The following CLSTN2 variants were observed in gnomAD, a reference collection of about 807,000 sequenced individuals.
The protein encoded by CLSTN2 is calsyntenin 2.
CLSTN2 carries 48 observed loss-of-function variants against 101.2 expected under a neutral mutation model. The observed-to-expected ratio is 0.47, with a 90% CI of 0.38 to 0.60. The LOEUF (loss-of-function observed/expected upper bound fraction) is 0.60. Ranked by LOEUF, CLSTN2 falls within the 20% of genes least tolerant of loss-of-function variation. CLSTN2 has a pLI of 0.00. For synonymous variants in CLSTN2, 481 were observed against 463.6 expected, an observed-to-expected ratio of 1.04 and a Z score of -0.48; for missense variants, 1,160 against 1,238.2, an observed-to-expected ratio of 0.94 and a Z score of 0.95.
chr3:140,449,140 G>T (rs185896896), intron 6 of CLSTN2, among the ~76,000 whole-genome samples: 1 of 152,142 alleles, frequency 6.6e-6, no homozygotes, highest in Non-Finnish European at 1.5e-5. Flanking sequence ...TCCCCAAAGC[G>T]CCAGCTATAT....
chr3:140,324,105 A>G (rs1292598381), intron 2 of CLSTN2, among the ~76,000 whole-genome samples: 1 of 152,240 alleles, frequency 6.6e-6, no homozygotes, highest in East Asian at 1.9e-4. Flanking sequence ...TTTTGTTGCC[A>G]GATCTCTTCT....
intron 1 of CLSTN2, among the ~76,000 whole-genome samples, chr3:140,085,888 A>C (rs1208654521): frequency 2.6e-5 from 4 of 152,312 alleles, no homozygotes; most frequent in East Asian, 1.9e-4. Flanking sequence ...TTAGCTCTTC[A>C]TGAAAGTCTG....
chr3:140,452,913 C>T (rs1265389661), intron 6 of CLSTN2, among the ~76,000 whole-genome samples: 1 of 152,210 alleles, frequency 6.6e-6, no homozygotes, highest in Non-Finnish European at 1.5e-5. Flanking sequence ...CTGCTTATCA[C>T]TTCCTCTGAA....
chr3:140,563,363 C>T (rs1169657559), intron 15 of CLSTN2, among the ~76,000 whole-genome samples, 160 bp downstream of exon 15: 2 of 152,208 alleles, frequency 1.3e-5, no homozygotes, highest in Non-Finnish European at 2.9e-5. Context: ...GAGATACTCA[C>T]ACCCTCAATA....
At chr3:140,158,783 A>G (rs551881566) in intron 1 of CLSTN2, among the ~76,000 whole-genome samples, 5 of 152,364 alleles carry the variant, frequency 3.3e-5, no homozygotes, top group Admixed American at 2.0e-4. Flanking sequence ...AAACTATGCT[A>G]TAAGGCTGCA....
intron 5 of CLSTN2, among the ~76,000 whole-genome samples, chr3:140,437,857 G>T (rs920113997): frequency 6.6e-6 from 1 of 152,158 alleles, no homozygotes; most frequent in Admixed American, 6.5e-5. Flanking sequence ...TTCAATTAAT[G>T]CAGTATTGTC....
Position 140,317,357 on chromosome 3 carries a change from G to T in CLSTN2, c.233-86272G>T, listed in dbSNP as rs375849377. 5.6e-4 allele frequency among the ~76,000 whole-genome samples: 85 copies of T among 152,234 alleles called. No individual in the cohort carries two copies. The South Asian group carries it at 0.018, about 32-fold the overall frequency. ...ATAGCTTCCTGATGCAACCTCAGCTGCAAAGACCAAAGAAGTAGGGAGTGA... is the reference window on the plus strand; with the variant it reads ...ATAGCTTCCTGATGCAACCTCAGCTTCAAAGACCAAAGAAGTAGGGAGTGA... On this transcript the variant is annotated intron_variant, in intron 2 of 16. Transcript: ENST00000458420.
At chr3:140,519,505 T>C (rs747797789) in intron 8 of CLSTN2, among the ~76,000 whole-genome samples, 5 of 152,270 alleles carry the variant, frequency 3.3e-5, no homozygotes, top group South Asian at 2.1e-4. Context: ...GATTTATGAA[T>C]ATGGTTCTCC....
At chr3:140,384,745 GTAT>G (rs1427316732) in intron 2 of CLSTN2, among the ~76,000 whole-genome samples, 2 of 152,220 alleles carry the variant, frequency 1.3e-5, no homozygotes, top group African/African-American at 4.8e-5. Context: ...TACTCCTGTA[GTAT>G]TGATTGGGCT....
chr3:140,489,035 T>C (rs187550387), intron 8 of CLSTN2, among the ~76,000 whole-genome samples: 1 of 152,116 alleles, frequency 6.6e-6, no homozygotes. Flanking sequence ...TTGAAAAACA[T>C]AAATTAGTTT....
intron 2 of CLSTN2, among the ~76,000 whole-genome samples, chr3:140,215,680 A>G (rs1170724260): frequency 6.6e-6 from 1 of 152,210 alleles, no homozygotes; most frequent in Non-Finnish European, 1.5e-5. Context: ...TCAGTAGAGC[A>G]TAGCAATAAT....
intron 2 of CLSTN2, among the ~76,000 whole-genome samples, chr3:140,268,900 G>A (rs963784929): frequency 6.6e-6 from 1 of 152,110 alleles, no homozygotes; most frequent in Non-Finnish European, 1.5e-5. Flanking sequence ...TGCTGTGATC[G>A]GCAATCAAAT....
intron 1 of CLSTN2, among the ~76,000 whole-genome samples, chr3:140,042,231 C>G (rs4683473): frequency 0.074 from 11,205 of 152,226 alleles, 457 homozygotes; most frequent in East Asian, 0.16. Context: ...AGCAACTTTC[C>G]TTTTTCTCCA....
intron 1 of CLSTN2, among the ~76,000 whole-genome samples, chr3:140,112,363 G>GT (rs1207505790): frequency 3.9e-5 from 5 of 128,922 alleles, no homozygotes; most frequent in South Asian, 2.2e-4. Context: ...GTGTGTGTGT[G>GT]TGTGTGTTTT....
chr3:140,564,692 T>C (rs1235414973), intron 16 of CLSTN2, among the ~76,000 whole-genome samples: 1 of 152,200 alleles, frequency 6.6e-6, no homozygotes, highest in Non-Finnish European at 1.5e-5. Context: ...GCCAATAAAA[T>C]AGGAGTTATC....
chr3:140,507,249 T>C (rs1934703458), intron 8 of CLSTN2: 1 of 152,200 alleles, frequency 6.6e-6, no homozygotes, highest in South Asian at 2.1e-4. Flanking sequence ...ATTAACTCAA[T>C]CATCACAACC....
chr3:140,151,981 C>T (rs898463790), intron 1 of CLSTN2, among the ~76,000 whole-genome samples: 8 of 152,240 alleles, frequency 5.3e-5, no homozygotes, highest in African/African-American at 1.2e-4. Flanking sequence ...TTTGCTTCTC[C>T]GCCCACTCAG....
chr3:140,082,616 C>T (rs1408093937), intron 1 of CLSTN2, among the ~76,000 whole-genome samples: 1 of 152,156 alleles, frequency 6.6e-6, no homozygotes, highest in Non-Finnish European at 1.5e-5. Context: ...AGAGGAGTTG[C>T]TTCCTACACC....
At chr3:140,555,902 A>G (rs933067476) in intron 10 of CLSTN2, among the ~76,000 whole-genome samples, 3 of 146,438 alleles carry the variant, frequency 2.0e-5, no homozygotes, top group Non-Finnish European at 2.9e-5. Context: ...TGAAATGGAT[A>G]GATAACAAAC....
Sources: gnomAD v4.1 joint callset for allele counts (sites outside exome capture counted in the v4.1 genomes callset) on GRCh38, gnomAD v4.1.1 for gene constraint, MANE v1.5 for transcripts, NCBI Gene and HGNC (gene_info 2026-07-23, HGNC 2026-07-21) for gene names.